DPY30: variants seen among roughly 807,000 people sequenced by gnomAD.
DPY30 encodes the protein protein dpy-30 homolog.
A neutral mutation model predicts 16.2 loss-of-function variants in DPY30; 6 were observed. The observed-to-expected ratio is 0.37, with a 90% CI of 0.20 to 0.73. The LOEUF is 0.73. Among genes scored for constraint, DPY30 ranks in the 30% least tolerant of loss-of-function variants. The probability of loss-of-function intolerance (pLI) is 0.51; values close to 1 mark genes in which losing one functional copy is unlikely to be tolerated. For missense variants in DPY30, 73 were observed against 113.1 expected, an observed-to-expected ratio of 0.65 and a Z score of 1.61; for synonymous variants, 39 against 38.8, an observed-to-expected ratio of 1.00 and a Z score of -0.02.
intron 5 of DPY30, among the ~76,000 whole-genome samples, chr2:32,012,587 T>A (rs1572983415): frequency 6.6e-6 from 1 of 151,696 alleles, no homozygotes; most frequent in African/African-American, 2.4e-5. Flanking sequence ...CCCACCACCA[T>A]CCACCATGCC....
At position 32,031,671 on chromosome 2, in the gene DPY30, G is replaced by A. The variant is rs1675547322; in HGVS notation, c.85-1935C>T. Among the ~76,000 whole-genome samples, 5 of 151,926 alleles carry A rather than the reference G, an allele frequency of 3.3e-5. No individual in the cohort carries two copies. The South Asian group carries it at 1.0e-3, about 32-fold the overall frequency. On this transcript the variant is annotated intron_variant, in intron 3 of 4. Transcript: ENST00000342166. ...GCACTTTGAGAGGCCCAAGAGGGCG[G>A]ATCATGCAGTCAGGAGTTCGAGACC...
intron 5 of DPY30, among the ~76,000 whole-genome samples, chr2:32,012,835 G>C (rs1003307799): frequency 2.0e-5 from 3 of 152,118 alleles, no homozygotes; most frequent in Non-Finnish European, 4.4e-5. Context: ...TTGATAAAAT[G>C]GTAAAGTTTT....
intron 3 of DPY30, 106 bp downstream of exon 3, chr2:32,039,173 T>A (rs183799564): frequency 8.0e-6 from 11 of 1,375,122 alleles, no homozygotes; most frequent in Middle Eastern, 1.8e-4. Flanking sequence ...CAGTTCACGA[T>A]AACAAAGTTT....
intron 4 of DPY30, among the ~76,000 whole-genome samples, chr2:32,026,779 A>T (rs1286056668): frequency 6.6e-6 from 1 of 152,160 alleles, no homozygotes; most frequent in Non-Finnish European, 1.5e-5. Flanking sequence ...CATAGCATCC[A>T]GCCTGGGCAA....
intron 3 of DPY30, among the ~76,000 whole-genome samples, chr2:32,034,281 A>C (rs1298028335): frequency 6.6e-6 from 1 of 152,176 alleles, no homozygotes; most frequent in Admixed American, 6.6e-5. Flanking sequence ...TATAAAGAAA[A>C]GAGGTTTATT....
In DPY30 at chr2:32,024,105, A is replaced by G; in HGVS notation, c.*79T>C. ...GTTCTTATACATCCAAAAAGAGGGA[A>G]TGATCATGGCAATTAAAGCTGCCTC... is the stretch of plus-strand genomic sequence containing the variant. On this transcript the variant is annotated 3_prime_UTR_variant, in exon 5 of 5. Transcript: ENST00000342166. The G allele has an allele frequency of 6.4e-7, 1 of 1,553,340 alleles. No homozygotes were observed. The highest frequency in any genetic ancestry group is 8.7e-7 in the Non-Finnish European group (1 of 1,151,588).
chr2:32,017,459 A>G (rs1675086620), intron 5 of DPY30, among the ~76,000 whole-genome samples: 1 of 151,898 alleles, frequency 6.6e-6, no homozygotes, highest in Non-Finnish European at 1.5e-5. Context: ...TTTACTAAAA[A>G]TACAAAAATT....
intron 4 of DPY30, among the ~76,000 whole-genome samples, chr2:32,024,607 C>T (rs896606598): frequency 2.0e-5 from 3 of 152,174 alleles, no homozygotes; most frequent in Non-Finnish European, 4.4e-5. Context: ...GTTTCTTGAT[C>T]TGACTGCAAG....
downstream of DPY30, among the ~76,000 whole-genome samples, chr2:32,021,569 T>TG (rs146383318): frequency 0.033 from 4,923 of 149,996 alleles, 114 homozygotes; most frequent in Middle Eastern, 0.079. Flanking sequence ...TCCCAGCTAC[T>TG]GGGGGGTGCT....
downstream of DPY30, among the ~76,000 whole-genome samples, chr2:32,021,645 C>T (rs190574241): frequency 7.4e-3 from 1,121 of 151,092 alleles, 15 homozygotes; most frequent in African/African-American, 0.026. Flanking sequence ...CGCCACTGCA[C>T]TCCAGCCTGG....
chr2:32,029,043 G>A (rs1300586418), intron 4 of DPY30, among the ~76,000 whole-genome samples: 1 of 151,958 alleles, frequency 6.6e-6, no homozygotes, highest in Non-Finnish European at 1.5e-5. Context: ...AGGCTGAGGC[G>A]GGCAGATCAC....
chr2:32,022,860 G>A (rs1675215887), downstream of DPY30, among the ~76,000 whole-genome samples: 2 of 152,086 alleles, frequency 1.3e-5, no homozygotes, highest in Non-Finnish European at 2.9e-5. Flanking sequence ...AACATGTTTA[G>A]CATGGAGACA....
At chr2:32,018,997 A>G (rs554334611), downstream of DPY30, among the ~76,000 whole-genome samples, 1 of 152,236 alleles carries the variant, frequency 6.6e-6, no homozygotes, top group African/African-American at 2.4e-5. Flanking sequence ...CTACACTCCA[A>G]CCTGGGTGAT....
intron 4 of DPY30, among the ~76,000 whole-genome samples, chr2:32,027,104 C>T (rs1361220786): frequency 2.6e-5 from 4 of 151,368 alleles, no homozygotes; most frequent in African/African-American, 9.7e-5. Flanking sequence ...GGTGAAACCC[C>T]ATCTCTACTG....
At chr2:32,014,796 TA>T (rs556042795) in intron 5 of DPY30, among the ~76,000 whole-genome samples, 52 of 143,738 alleles carry the variant, frequency 3.6e-4, no homozygotes, top group Admixed American at 4.2e-4. Flanking sequence ...ACCCCATCTT[TA>T]AAAAAAAAAA....
chr2:32,032,346 G>A (rs1675572487), intron 3 of DPY30, among the ~76,000 whole-genome samples: 1 of 152,166 alleles, frequency 6.6e-6, no homozygotes, highest in South Asian at 2.1e-4. Flanking sequence ...CTGAGCCTTT[G>A]TAAAAGTTCA....
chr2:32,016,424 T>C (rs1353973549), intron 5 of DPY30, among the ~76,000 whole-genome samples: 1 of 152,230 alleles, frequency 6.6e-6, no homozygotes, highest in East Asian at 1.9e-4. Flanking sequence ...CAATTGGTAA[T>C]GCCATTTTGG....
At chr2:32,035,890 C>T (rs557918105) in intron 3 of DPY30, among the ~76,000 whole-genome samples, 2 of 148,688 alleles carry the variant, frequency 1.3e-5, no homozygotes, top group Admixed American at 1.4e-4. Context: ...GCCGAGATCA[C>T]GCCATTGCAC....
chr2:32,018,114 T>C (rs1248244030), intron 5 of DPY30, among the ~76,000 whole-genome samples: 3 of 152,134 alleles, frequency 2.0e-5, no homozygotes, highest in East Asian at 3.9e-4. Flanking sequence ...TATTTTGTTA[T>C]AGCAGGCCAG....
Sources: allele counts gnomAD v4.1 joint callset (sites outside exome capture counted in the v4.1 genomes callset), GRCh38; gene constraint gnomAD v4.1.1; transcripts MANE v1.5; gene names NCBI Gene and HGNC (gene_info 2026-07-23, HGNC 2026-07-21).